Variants in PIP5K1C observed in about 807,000 individuals in gnomAD.
The protein encoded by PIP5K1C is phosphatidylinositol 4-phosphate 5-kinase type-1 gamma.
A neutral mutation model predicts 80.1 loss-of-function variants in PIP5K1C; 45 were observed. That is an observed-to-expected ratio of 0.56 (90% CI 0.44 to 0.72). PIP5K1C has a LOEUF of 0.72. Among genes scored for constraint, PIP5K1C ranks in the 30% least tolerant of loss-of-function variants. The pLI is 0.00. For missense variants in PIP5K1C, 753 were observed against 954.6 expected, an observed-to-expected ratio of 0.79 and a Z score of 2.78; for synonymous variants, 498 against 420.1, an observed-to-expected ratio of 1.19 and a Z score of -2.27.
At chr19:3,655,107 CAAAA>C (rs545856738) in intron 6 of PIP5K1C, among the ~76,000 whole-genome samples, 1 of 45,862 alleles carries the variant, frequency 2.2e-5, no homozygotes, top group East Asian at 6.7e-4. Flanking sequence ...GACTCCATCT[CAAAA>C]AAAAAAAAAA....
chr19:3,684,901 G>A (rs933197004), intron 1 of PIP5K1C, among the ~76,000 whole-genome samples: 1 of 152,184 alleles, frequency 6.6e-6, no homozygotes, highest in South Asian at 2.1e-4. Flanking sequence ...CAGCAGTCAG[G>A]GCCAGACACG....
chr19:3,684,654 C>G (rs1472947519), intron 1 of PIP5K1C, among the ~76,000 whole-genome samples: 1 of 152,254 alleles, frequency 6.6e-6, no homozygotes, highest in Admixed American at 6.5e-5. Flanking sequence ...AGCAAAAGCA[C>G]TGCAGCGTGA....
At chr19:3,685,545 A>G (rs1345086748) in intron 1 of PIP5K1C, among the ~76,000 whole-genome samples, 2 of 152,010 alleles carry the variant, frequency 1.3e-5, no homozygotes, top group African/African-American at 4.8e-5. Context: ...CCTGGCTAAC[A>G]CGGTGAAACC....
intron 16 of PIP5K1C, among the ~76,000 whole-genome samples, chr19:3,635,034 A>G (rs930158819): frequency 6.6e-6 from 1 of 152,178 alleles, no homozygotes; most frequent in South Asian, 2.1e-4. Context: ...TGGGGAGCCT[A>G]TGTGGGTGCT....
chr19:3,664,743 C>T (rs1006135541), intron 3 of PIP5K1C, 79 bp downstream of exon 3: 60 of 1,195,416 alleles, frequency 5.0e-5, no homozygotes, highest in Non-Finnish European at 8.7e-6. Context: ...GCGATAGGCC[C>T]CATCCATGCT....
At chr19:3,670,401 T>C (rs969008628) in intron 1 of PIP5K1C, among the ~76,000 whole-genome samples, 1 of 151,870 alleles carries the variant, frequency 6.6e-6, no homozygotes, top group African/African-American at 2.4e-5. Flanking sequence ...AGATGCCGTG[T>C]GGGGTGGAGG....
At chr19:3,645,694 G>A (rs1278359282) in intron 11 of PIP5K1C, among the ~76,000 whole-genome samples, 2 of 152,250 alleles carry the variant, frequency 1.3e-5, no homozygotes, top group Admixed American at 6.5e-5. Flanking sequence ...GGAAACCAAG[G>A]CACAGAGGCA....
Position 3,637,933 on chromosome 19 carries a change from T to A in PIP5K1C, c.1920+951A>T. The A allele has an allele frequency of 1.3e-6, 2 of 1,534,986 alleles. No homozygotes were observed. The highest frequency in any genetic ancestry group is 1.7e-6 in the Non-Finnish European group (2 of 1,146,664). Reference sequence around the variant, plus strand: ...AAAAGGGGTGACGACGTGCGGTGGGTAGGGGCACAGGCACGCGGCCCGTCC... The same window carrying A: ...AAAAGGGGTGACGACGTGCGGTGGGAAGGGGCACAGGCACGCGGCCCGTCC... On this transcript the variant is annotated intron_variant, in intron 16 of 17. Coordinates refer to ENST00000335312, the MANE Select transcript of PIP5K1C (RefSeq NM_012398.3). The surrounding 1 kb of genome is among the most constrained non-coding windows in gnomAD (Gnocchi z 7.0).
chr19:3,645,460 A>G (rs994746354), intron 11 of PIP5K1C, among the ~76,000 whole-genome samples: 7 of 152,262 alleles, frequency 4.6e-5, no homozygotes, highest in Non-Finnish European at 8.8e-5. Flanking sequence ...TCCCCCGGGC[A>G]CCCTGTGGGT....
intron 3 of PIP5K1C, among the ~76,000 whole-genome samples, chr19:3,662,843 CGT>C (rs2034882155): frequency 6.7e-6 from 1 of 149,874 alleles, no homozygotes; most frequent in African/African-American, 2.5e-5. Flanking sequence ...TGCGATTGCA[CGT>C]GTGAGCCAGC....
intron 1 of PIP5K1C, among the ~76,000 whole-genome samples, chr19:3,686,982 C>T (rs564476395): frequency 6.6e-5 from 10 of 152,178 alleles, no homozygotes; most frequent in African/African-American, 2.4e-4. Context: ...AGCCTAAGGT[C>T]GGCAGTTCGA....
Position 3,637,447 on chromosome 19 carries a change from C to T in PIP5K1C, c.1920+1437G>A, listed in dbSNP as rs1261352286. On this transcript the variant is annotated intron_variant, in intron 16 of 17. Coordinates refer to ENST00000335312, the MANE Select transcript of PIP5K1C (RefSeq NM_012398.3). This position sits in a 1 kb window ranked among gnomAD's most constrained non-coding sequence, Gnocchi z 7.0. ...CTTCTGGAAAACAACTGACGTCAGA[C>T]ACTGAGCTTCCGGCCGGGGACCTGC... 4.6e-6 allele frequency: 7 copies of T among 1,535,592 alleles called. No individual in the cohort carries two copies. In the East Asian group the frequency reaches 1.5e-4, roughly 32 times the overall value.
intron 6 of PIP5K1C, among the ~76,000 whole-genome samples, chr19:3,656,153 G>A (rs2034622962): frequency 6.6e-6 from 1 of 152,194 alleles, no homozygotes; most frequent in Non-Finnish European, 1.5e-5. Flanking sequence ...GCAGGGGCCG[G>A]TGCCCACCCA....
intron 1 of PIP5K1C, among the ~76,000 whole-genome samples, chr19:3,693,369 G>C (rs1472450822): frequency 6.6e-6 from 1 of 152,090 alleles, no homozygotes; most frequent in African/African-American, 2.4e-5. Context: ...GGGCCCTCAT[G>C]CTCGACTCCA....
At chr19:3,654,836 C>T (rs1229533832) in intron 6 of PIP5K1C, among the ~76,000 whole-genome samples, 2 of 147,706 alleles carry the variant, frequency 1.4e-5, no homozygotes, top group Non-Finnish European at 3.0e-5. Flanking sequence ...AAAAAAAAGG[C>T]CAAGCACAGT....
chr19:3,638,220 C>T (rs751280562), intron 16 of PIP5K1C, among the ~76,000 whole-genome samples: 2 of 152,180 alleles, frequency 1.3e-5, no homozygotes, highest in Admixed American at 1.3e-4. Flanking sequence ...GCTGCCTGGA[C>T]ATTCCAGGCC....
At position 3,643,683 on chromosome 19, in the gene PIP5K1C, C is replaced by A. The variant is rs181932730; in HGVS notation, c.1511-302G>T. ...CTGCTCTCTTCCCCTCCCCACCCCCCCTCCCTTCCCCTCCGCGCTGCTTGG... is the reference window on the plus strand; with the variant it reads ...CTGCTCTCTTCCCCTCCCCACCCCCACTCCCTTCCCCTCCGCGCTGCTTGG... On this transcript the variant is annotated intron_variant, in intron 12 of 17. Transcript: ENST00000335312. 1.9e-4 allele frequency among the ~76,000 whole-genome samples: 28 copies of A among 150,418 alleles called. No homozygotes were observed. In the East Asian group the frequency reaches 5.1e-3, roughly 27 times the overall value.
chr19:3,633,645 G>T, intron 16 of PIP5K1C, 125 bp from the exon 17 acceptor site: 2 of 605,304 alleles, frequency 3.3e-6, no homozygotes, highest in Non-Finnish European at 5.0e-6. Flanking sequence ...TGGAAGACGA[G>T]GGGTGGCTCA....
chr19:3,659,746 C>T (rs2034767024), intron 5 of PIP5K1C, among the ~76,000 whole-genome samples: 2 of 152,294 alleles, frequency 1.3e-5, no homozygotes, highest in African/African-American at 4.8e-5. Flanking sequence ...TCACACGTAC[C>T]CCTGGCTGGA....
Sources: allele counts gnomAD v4.1 joint callset (sites outside exome capture counted in the v4.1 genomes callset), GRCh38; gene constraint gnomAD v4.1.1; non-coding constraint Gnocchi (gnomAD v3.1); transcripts MANE v1.5; gene names NCBI Gene and HGNC (gene_info 2026-07-23, HGNC 2026-07-21).